Variants in NEFH observed in about 807,000 individuals in gnomAD.
The protein encoded by NEFH is neurofilament heavy polypeptide.
NEFH carries 58 observed loss-of-function variants against 56.6 expected under a neutral mutation model. The ratio of observed to expected loss-of-function variants is 1.03; its 90% CI spans 0.83 to 1.28. The LOEUF (loss-of-function observed/expected upper bound fraction) is 1.28. NEFH is among the 50% of genes most tolerant of loss of function. The pLI is 0.00. For missense variants in NEFH, 1,221 were observed against 1,307.6 expected (o/e 0.93, Z 1.02); for synonymous variants, 542 against 545.8 (o/e 0.99, Z 0.10).
In NEFH at chr22:29,485,825, G is replaced by C; in HGVS notation, c.1186G>C (p.Asp396His). The C allele has an allele frequency of 6.2e-7, 1 of 1,614,242 alleles. No individual in the cohort carries two copies. Among genetic ancestry groups the C allele is most frequent in the African/African-American group, 1.3e-5 (1 of 75,062 alleles). Residue 396 changes from aspartate to histidine, a missense_variant, in exon 3 of 4, where the codon GAT (aspartate) becomes CAT (histidine). Physicochemically the swap from Asp to His is moderately conservative, Grantham distance 81. Coordinates refer to ENST00000310624, the MANE Select transcript of NEFH (RefSeq NM_021076.4). ...CCTGCTCAATGTCAAGATGGCTCTGGATATAGAGATAGCCGCTTACAGGTG... is the reference window on the plus strand; with the variant it reads ...CCTGCTCAATGTCAAGATGGCTCTGCATATAGAGATAGCCGCTTACAGGTG... ...QDLLNVKMAL[D>H]IEIAAYRKLL...
At position 29,490,880 on chromosome 22, in the gene NEFH, G is replaced by C. The variant is rs2063077785; in HGVS notation, c.*177G>C. ...TGTTAGCAATATGTTAGCAAGAGAGGGCACTCCCAGGCCCCTGCCCCCAGG... is the reference window on the plus strand; with the variant it reads ...TGTTAGCAATATGTTAGCAAGAGAGCGCACTCCCAGGCCCCTGCCCCCAGG... On this transcript the variant is annotated 3_prime_UTR_variant, in exon 4 of 4. Transcript: ENST00000310624. 3 of 1,257,586 alleles carry C rather than the reference G, an allele frequency of 2.4e-6. No individual in the cohort carries two copies. In the African/African-American group the frequency reaches 4.5e-5, roughly 19 times the overall value. 77.9% of individuals were successfully genotyped at this position (1,257,586 alleles called of 1,614,324 possible). A position where few individuals can be genotyped will look rare whatever the true frequency, so the allele number is the denominator to read the frequency against.
Position 29,480,664 on chromosome 22 carries a change from G to C in NEFH, c.402G>C (p.Gln134His). Residue 134 changes from glutamine to histidine, a missense_variant, in exon 1 of 4, where the codon CAG becomes CAC. By Grantham distance (24) the Gln-to-His change is conservative. Coordinates refer to ENST00000310624, the MANE Select transcript of NEFH (RefSeq NM_021076.4). ...SLEGEAAALRQQQAGRSAMGE... is the reference protein window; with the variant it reads ...SLEGEAAALRHQQAGRSAMGE... ...AGGGCGAGGCTGCGGCGCTGCGGCA[G>C]CAGCAGGCGGGCCGCTCCGCTATGG... is the stretch of plus-strand genomic sequence containing the variant. The C allele has an allele frequency of 6.5e-7, 1 of 1,550,044 alleles. No homozygotes were observed. Among genetic ancestry groups the C allele is most frequent in the Non-Finnish European group, 8.6e-7 (1 of 1,156,488 alleles).
chr22:29,481,668 G>C (rs78580989), intron 1 of NEFH, among the ~76,000 whole-genome samples: 2,219 of 152,270 alleles, frequency 0.015, 42 homozygotes, highest in African/African-American at 0.051. Context: ...AATCTTCCAC[G>C]TGGGGGTGGG....
chr22:29,482,814 C>G (rs1457164828), intron 1 of NEFH, among the ~76,000 whole-genome samples: 1 of 152,198 alleles, frequency 6.6e-6, no homozygotes, highest in African/African-American at 2.4e-5. Context: ...GGATCCCACA[C>G]TGGGGGAGAC....
chr22:29,482,250 A>T (rs1331276761), intron 1 of NEFH, among the ~76,000 whole-genome samples: 4 of 151,858 alleles, frequency 2.6e-5, no homozygotes, highest in Non-Finnish European at 5.9e-5. Flanking sequence ...CCCTGCGCAA[A>T]CCTCTTTTGG....
At position 29,489,578 on chromosome 22, in the gene NEFH, A is replaced by AAAGTCCCCTGAGAGGGCC. The variant is rs2063065571; in HGVS notation, c.1951_1952insGGGCCAAGTCCCCTGAGA (p.Glu650_Lys651insArgAlaLysSerProGlu). 1 of 666,522 alleles carries AAAGTCCCCTGAGAGGGCC rather than the reference A, an allele frequency of 1.5e-6. No homozygotes were observed. The highest frequency in any genetic ancestry group is 2.3e-5 in the African/African-American group (1 of 43,516). The allele number at this position is 666,522 out of a possible 1,614,324, so 41.3% of individuals were successfully genotyped here. On this transcript the variant is annotated inframe_insertion, in exon 4 of 4. Coordinates refer to ENST00000310624, the MANE Select transcript of NEFH (RefSeq NM_021076.4). ...CCAAGTCTCCAACGAAGGAGGAAGCAAAGTCCCCTGAGAAGGCCAAGTCCC... is the reference window on the plus strand; with the variant it reads ...CCAAGTCTCCAACGAAGGAGGAAGCAAAGTCCCCTGAGAGGGCCAAGTCCCCTGAGAAGGCCAAGTCCC...
In NEFH at chr22:29,480,745, C is replaced by A; in HGVS notation, c.483C>A (p.Gly161=). The A allele has an allele frequency of 6.9e-7, 1 of 1,450,654 alleles. No individual in the cohort carries two copies. Among genetic ancestry groups the A allele is most frequent in the Non-Finnish European group, 9.0e-7 (1 of 1,112,890 alleles). 89.9% of individuals were successfully genotyped at this position (1,450,654 alleles called of 1,614,324 possible). Reference sequence around the variant, plus strand: ...TGCGCGGCGCGGTGCTGCGCCTGGGCGCGGCGCGCGGTCAGCTACGCCTGG... The same window carrying A: ...TGCGCGGCGCGGTGCTGCGCCTGGGAGCGGCGCGCGGTCAGCTACGCCTGG... ...REMRGAVLRL[G]AARGQLRLEQ... The change falls in exon 1 of 4, where the codon GGC becomes GGA. Residue 161 remains glycine (G), a synonymous_variant. Transcript: ENST00000310624.
In NEFH at chr22:29,483,527, C is replaced by T. The variant is rs139219355; in HGVS notation, c.1036C>T (p.Arg346Cys). 111 of 1,613,902 alleles carry T rather than the reference C, an allele frequency of 6.9e-5. No homozygotes were observed. The highest frequency in any genetic ancestry group is 6.7e-4 in the African/African-American group (50 of 75,040). Residue 346 changes from arginine to cysteine, a missense_variant, in exon 2 of 4, where the codon CGC (arginine) becomes TGC (cysteine). Physicochemically the swap from Arg to Cys is radical, Grantham distance 180. This residue lies in a region of NEFH where 640 missense variants were observed against 555.5 expected (regional missense o/e 1.15). Coordinates refer to ENST00000310624, the MANE Select transcript of NEFH (RefSeq NM_021076.4). The stretch of plus-strand genomic sequence containing the variant: ...CACCAAGGACTCACTGGAGAGGCAG[C>T]GCTCTGAGCTGGAGGACCGTCATCA... ...KSTKDSLERQ[R>C]SELEDRHQAD...
At chr22:29,481,457 A>G (rs1472582298) in intron 1 of NEFH, among the ~76,000 whole-genome samples, 3 of 152,052 alleles carry the variant, frequency 2.0e-5, no homozygotes, top group African/African-American at 7.2e-5. Context: ...CCCGTCAAGA[A>G]AAAAACAAGT....
Position 29,481,119 on chromosome 22 carries a change from C to T in NEFH, c.857C>T (p.Thr286Met), listed in dbSNP as rs1420857434. 4 of 1,530,226 alleles carry T rather than the reference C, an allele frequency of 2.6e-6. No individual in the cohort carries two copies. The highest frequency in any genetic ancestry group is 2.6e-6 in the Non-Finnish European group (3 of 1,145,000). 94.8% of individuals were successfully genotyped at this position (1,530,226 alleles called of 1,614,324 possible). The change falls in exon 1 of 4, where the codon ACG becomes ATG. Residue 286 changes from threonine to methionine, a missense_variant. Around this residue, in one of 4 missense-constraint regions of NEFH, gnomAD observed 640 missense variants for 555.5 expected, o/e 1.15. Transcript: ENST00000310624. ...CTTGAAGGCCACGCGGTGCAGAGCA[C>T]GCTGCAGTCCGAGGAGTGGTTCCGA... ...AQLEGHAVQS[T>M]LQSEEWFRVR...
chr22:29,483,288 A>AG, intron 1 of NEFH, 87 bp from the exon 2 acceptor site: 1 of 1,312,546 alleles, frequency 7.6e-7, no homozygotes, highest in Non-Finnish European at 1.1e-6. Flanking sequence ...AAAAAAAAAA[A>AG]AAAGAAAAAG....
Position 29,480,464 on chromosome 22 carries a change from GCAGGCGCCGCCT to G in NEFH, c.205_216del (p.Gly69_Ser72del). The G allele has an allele frequency of 6.5e-7, 1 of 1,532,458 alleles. No homozygotes were observed. Among genetic ancestry groups the G allele is most frequent in the Non-Finnish European group, 8.7e-7 (1 of 1,145,966 alleles). The allele number at this position is 1,532,458 out of a possible 1,614,324, so 94.9% of individuals were successfully genotyped here. The stretch of plus-strand genomic sequence containing the variant: ...CGCCTCGCCCAGCCGCTTCCGTGGC[GCAGGCGCCGCCT>G]CAAGCACCGACTCGCTGGACACGCT... On this transcript the variant is annotated inframe_deletion, in exon 1 of 4. Transcript: ENST00000310624.
At position 29,480,844 on chromosome 22, in the gene NEFH, G is replaced by A. The variant is rs1215676350; in HGVS notation, c.582G>A (p.Glu194=). 1.4e-6 allele frequency: 2 copies of A among 1,394,068 alleles called. No individual in the cohort carries two copies. The highest frequency in any genetic ancestry group is 1.8e-6 in the Non-Finnish European group (2 of 1,086,724). The allele number at this position is 1,394,068 out of a possible 1,614,324, so 86.4% of individuals were successfully genotyped here. A position where few individuals can be genotyped will look rare whatever the true frequency, so the allele number is the denominator to read the frequency against. The change falls in exon 1 of 4, where the codon GAG becomes GAA. Residue 194 remains glutamate, a synonymous_variant. Transcript: ENST00000310624. The part of the protein sequence containing the change: ...RLDDEARQRE[E]AEAAARALAR... ...ACGACGAGGCCCGGCAGCGAGAGGA[G>A]GCCGAGGCGGCGGCCCGCGCGCTGG...
In NEFH at chr22:29,481,009, C is replaced by T. The variant is rs1324040630; in HGVS notation, c.747C>T (p.Gly249=). The stretch of plus-strand genomic sequence containing the variant: ...TGCTCGGCCAGATCCAGGGCTCCGG[C>T]GCCGCGCAGGCGCAGATGCAGGCCG... ...GELLGQIQGS[G]AAQAQMQAET... Residue 249 remains glycine (G), a synonymous_variant, in exon 1 of 4, where the codon GGC becomes GGT. Coordinates refer to ENST00000310624, the MANE Select transcript of NEFH (RefSeq NM_021076.4). 2 of 1,531,624 alleles carry T rather than the reference C, an allele frequency of 1.3e-6. No homozygotes were observed. Among genetic ancestry groups the T allele is most frequent in the Non-Finnish European group, 1.7e-6 (2 of 1,145,414 alleles). The allele number at this position is 1,531,624 out of a possible 1,614,324, so 94.9% of individuals were successfully genotyped here.
chr22:29,489,828 G>A lies in NEFH; in HGVS notation c.2188G>A (p.Ala730Thr), dbSNP rs1389490271. 1.2e-6 allele frequency: 2 copies of A among 1,612,082 alleles called. No homozygotes were observed. The highest frequency in any genetic ancestry group is 2.7e-5 in the African/African-American group (2 of 74,396). The change falls in exon 4 of 4, where the codon GCA (alanine) becomes ACA (threonine). Residue 730 changes from alanine (A) to threonine (T), a missense_variant. Physicochemically the swap from Ala to Thr is moderately conservative, Grantham distance 58 (BLOSUM62 0). Around this residue, in one of 4 missense-constraint regions of NEFH, gnomAD observed 301 missense variants for 346.6 expected, o/e 0.87. Transcript: ENST00000310624. ...EKAKSPVKEE[A>T]KTPEKAKSPV... is the part of the protein sequence containing the mutation. ...GGCCAAGTCCCCAGTGAAGGAAGAA[G>A]CAAAGACCCCCGAGAAGGCCAAGTC... is the stretch of plus-strand genomic sequence containing the variant.
Position 29,483,543 on chromosome 22 carries a change from A to T in NEFH, c.1052A>T (p.Asp351Val), listed in dbSNP as rs1356663764. ...SLERQRSELE[D>V]RHQADIASYQ... ...GAGAGGCAGCGCTCTGAGCTGGAGG[A>T]CCGTCATCAGGCCGACATTGCCTCC... is the stretch of plus-strand genomic sequence containing the variant. Residue 351 changes from aspartate (D) to valine (V), a missense_variant, in exon 2 of 4, where the codon GAC (aspartate) becomes GTC (valine). Around this residue, in one of 4 missense-constraint regions of NEFH, gnomAD observed 640 missense variants for 555.5 expected, o/e 1.15. Transcript: ENST00000310624. 1 of 1,613,838 alleles carries T rather than the reference A, an allele frequency of 6.2e-7. No homozygotes were observed. Among genetic ancestry groups the T allele is most frequent in the East Asian group, 2.2e-5 (1 of 44,870 alleles).
intron 2 of NEFH, among the ~76,000 whole-genome samples, chr22:29,484,254 A>C (rs1370701350): frequency 6.6e-6 from 1 of 152,190 alleles, no homozygotes; most frequent in Non-Finnish European, 1.5e-5. Context: ...TCTGCCACTC[A>C]CTAGGTTGGT....
chr22:29,480,283 G>A lies in NEFH; in HGVS notation c.21G>A (p.Ala7=), dbSNP rs192350983. Reference sequence around the variant, plus strand: ...AGGCCATGATGAGCTTCGGCGGCGCGGACGCGCTGCTGGGCGCCCCGTTCG... The same window carrying A: ...AGGCCATGATGAGCTTCGGCGGCGCAGACGCGCTGCTGGGCGCCCCGTTCG... The part of the protein sequence containing the change: MMSFGG[A]DALLGAPFAP... Residue 7 remains alanine, a synonymous_variant, in exon 1 of 4, where the codon GCG becomes GCA. Coordinates refer to ENST00000310624, the MANE Select transcript of NEFH (RefSeq NM_021076.4). 7,622 of 1,509,734 alleles carry A rather than the reference G, an allele frequency of 5.0e-3. 42 individuals carry two copies. The highest frequency in any genetic ancestry group is 0.028 in the Middle Eastern group (133 of 4,760). 93.5% of individuals were successfully genotyped at this position (1,509,734 alleles called of 1,614,324 possible).
At chr22:29,481,526 G>T (rs1213538122) in intron 1 of NEFH, among the ~76,000 whole-genome samples, 1 of 152,124 alleles carries the variant, frequency 6.6e-6, no homozygotes, top group African/African-American at 2.4e-5. Context: ...GAGACTCTTA[G>T]CCCTTCTAAG....
Sources: allele counts gnomAD v4.1 joint callset (sites outside exome capture counted in the v4.1 genomes callset), GRCh38; gene constraint gnomAD v4.1.1; regional missense constraint gnomAD v4.1.1; transcripts MANE v1.5; gene names NCBI Gene and HGNC (gene_info 2026-07-23, HGNC 2026-07-21).